C1R: variants seen among roughly 807,000 people sequenced by gnomAD.
C1R encodes complement C1r subcomponent.
C1R carries 15 observed loss-of-function variants against 27.6 expected under a neutral mutation model. The ratio of observed to expected loss-of-function variants is 0.54; its 90% CI spans 0.36 to 0.84. The LOEUF is 0.84. C1R is among the 40% of genes least tolerant of loss of function. The pLI, the probability that C1R is intolerant of heterozygous loss-of-function variation, is 0.01. For synonymous variants in C1R, 253 were observed against 228.8 expected, an observed-to-expected ratio of 1.11 and a Z score of -0.95; for missense variants, 544 against 577.9, an observed-to-expected ratio of 0.94 and a Z score of 0.60.
chr12:7,092,037 A>G, intron 1 of C1R: 1 of 562,346 alleles, frequency 1.8e-6, no homozygotes, highest in East Asian at 3.1e-5. Flanking sequence ...TGGGTCTCTG[A>G]AAGGGCTCCC....
rs1057282628 is a variant in C1R, at chr12:7,080,666, C to T, written c.1984G>A (p.Asp662Asn). 2 of 1,613,894 alleles carry T rather than the reference C, an allele frequency of 1.2e-6. No individual in the cohort carries two copies. The highest frequency in any genetic ancestry group is 1.3e-5 in the African/African-American group (1 of 75,002). ...GCCACCCAGCGATCAGTGTTCGGGT[C>T]CCTTACTGCAAAAACGCCCCCACTA... ...GDSGGVFAVR[D>N]PNTDRWVATG... The change falls in exon 11 of 11, where the codon GAC (aspartate) becomes AAC (asparagine). Residue 662 changes from aspartate to asparagine, a missense_variant. Asp to Asn is a conservative substitution (Grantham distance 23). Coordinates refer to ENST00000647956, the MANE Select transcript of C1R (RefSeq NM_001733.7). This position sits in a 1 kb window ranked among gnomAD's most constrained non-coding sequence, Gnocchi z 4.9.
In C1R at chr12:7,082,951, A is replaced by C. The variant is rs955583860; in HGVS notation, c.1274-845T>G. Among the ~76,000 whole-genome samples the C allele has an allele frequency of 3.9e-5, 6 of 152,336 alleles. No individual in the cohort carries two copies. In the East Asian group the frequency reaches 1.2e-3, roughly 29 times the overall value. On this transcript the variant is annotated intron_variant, in intron 9 of 10. Transcript: ENST00000647956. ...CTAAGTGCCAGAACCAAGGTGCAAG[A>C]GGTTTTCTGACTCCAAAGCCCAGCT...
At chr12:7,089,234 A>C in intron 5 of C1R, 59 bp downstream of exon 5, 1 of 747,330 alleles carries the variant, frequency 1.3e-6, no homozygotes, top group Non-Finnish European at 2.5e-6. Flanking sequence ...TTGGGACAAG[A>C]GGAGCCAAGT....
chr12:7,088,707 G>A lies in C1R; in HGVS notation c.941C>T (p.Thr314Ile). 3 of 776,940 alleles carry A rather than the reference G, an allele frequency of 3.9e-6. No individual in the cohort carries two copies. Among genetic ancestry groups the A allele is most frequent in the Non-Finnish European group, 4.8e-6 (2 of 416,326 alleles). The allele number at this position is 776,940 out of a possible 1,614,324, so 48.1% of individuals were successfully genotyped here. Residue 314 changes from threonine to isoleucine, a missense_variant, in exon 7 of 11, where the codon ACC becomes ATC. Around this residue, in one of 2 missense-constraint regions of C1R, gnomAD observed 291 missense variants for 209.0 expected, o/e 1.39. Transcript: ENST00000647956. ...CTGGATGATGGTGAACTCGTCTAGG[G>A]TCTTGGGCTGGGGGCACTTGATGAC... ...TEIIKCPQPKTLDEFTIIQNL... is the reference protein window; with the variant it reads ...TEIIKCPQPKILDEFTIIQNL...
At position 7,091,953 on chromosome 12, in the gene C1R, C is replaced by T. The variant is rs774460987; in HGVS notation, c.3-273G>A. The T allele has an allele frequency of 5.8e-4, 362 of 624,048 alleles. No individual in the cohort carries two copies. Among genetic ancestry groups the T allele is most frequent in the East Asian group, 5.8e-3 (194 of 33,632 alleles). The allele number at this position is 624,048 out of a possible 1,614,324, so 38.7% of individuals were successfully genotyped here. A position where few individuals can be genotyped will look rare whatever the true frequency, so the allele number is the denominator to read the frequency against. ...TTTCCAGCCTCCTCCCCTGCCCGGA[C>T]GCGTCCCTCCCCTCCCCTTCCAGGA... On this transcript the variant is annotated intron_variant, in intron 1 of 10. Transcript: ENST00000647956. This position sits in a 1 kb window ranked among gnomAD's most constrained non-coding sequence, Gnocchi z 5.1.
chr12:7,081,430 C>T (rs1938061191), intron 10 of C1R, 129 bp from the exon 11 acceptor site: 3 of 758,834 alleles, frequency 4.0e-6, no homozygotes, highest in Non-Finnish European at 6.9e-6. Context: ...CTCCTCCCAT[C>T]CCCACACCTC....
chr12:7,082,229 G>A, intron 9 of C1R, 123 bp from the exon 10 acceptor site: 1 of 684,508 alleles, frequency 1.5e-6, no homozygotes, highest in Non-Finnish European at 2.7e-6. Flanking sequence ...AACATGGCAA[G>A]GGCCAAAGGT....
chr12:7,083,318 ATGGTGGTAATGGTGT>A (rs1481841697), intron 9 of C1R, among the ~76,000 whole-genome samples: 18 of 12,700 alleles, frequency 1.4e-3, no homozygotes, highest in East Asian at 3.8e-3. Flanking sequence ...GGTAATGGTG[ATGGTGGTAATGGTGT>A]TGGTGGTGAT....
At chr12:7,086,073 T>C in intron 8 of C1R, 57 bp from the exon 9 acceptor site, 1 of 398,538 alleles carries the variant, frequency 2.5e-6, no homozygotes, top group Non-Finnish European at 4.4e-6. Context: ...GGAACTTCAG[T>C]GAGGGGAGTG....
intron 10 of C1R, 100 bp from the exon 11 acceptor site, chr12:7,081,401 TTCTG>T: frequency 9.4e-7 from 1 of 1,067,774 alleles, no homozygotes; most frequent in Non-Finnish European, 1.4e-6. Context: ...TCTTTTTGGC[TTCTG>T]TCTCTTTTCT....
chr12:7,081,371 C>T, intron 10 of C1R, 70 bp from the exon 11 acceptor site: 1 of 1,414,128 alleles, frequency 7.1e-7, no homozygotes, highest in Non-Finnish European at 9.8e-7. Context: ...CTGCAGCCAG[C>T]CAGCTCCCTG....
At position 7,086,317 on chromosome 12, in the gene C1R, C is replaced by A. The variant is rs1938155209; in HGVS notation, c.1117+62G>T. On this transcript the variant is annotated intron_variant, in intron 8 of 10. Coordinates refer to ENST00000647956, the MANE Select transcript of C1R (RefSeq NM_001733.7). The stretch of plus-strand genomic sequence containing the variant: ...GTCTGGACCCCTCTTTCTTTCTTGG[C>A]CCAGGTCCTCAAGGCAGGAGGTGGG... 3 of 398,344 alleles carry A rather than the reference C, an allele frequency of 7.5e-6. No individual in the cohort carries two copies. In the East Asian group the frequency reaches 1.1e-4, roughly 14 times the overall value. The allele number at this position is 398,344 out of a possible 1,614,324, so 24.7% of individuals were successfully genotyped here.
chr12:7,082,217 C>T, intron 9 of C1R, 111 bp from the exon 10 acceptor site: 1 of 702,324 alleles, frequency 1.4e-6, no homozygotes, highest in South Asian at 1.5e-5. Context: ...CAGGGAGGAG[C>T]CAACATGGCA....
chr12:7,089,617 C>G lies in C1R; in HGVS notation c.541G>C (p.Glu181Gln). The G allele has an allele frequency of 1.3e-6, 1 of 780,946 alleles. No homozygotes were observed. The highest frequency in any genetic ancestry group is 1.3e-5 in the South Asian group (1 of 74,632). 48.4% of individuals were successfully genotyped at this position (780,946 alleles called of 1,614,324 possible). The change falls in exon 4 of 11, where the codon GAG (glutamate) becomes CAG (glutamine). Residue 181 changes from glutamate to glutamine, a missense_variant. This residue lies in a region of C1R where 291 missense variants were observed against 209.0 expected (regional missense o/e 1.39). Transcript: ENST00000647956. ...CAGGAATGCCTGTCTTCCTGAAGCT[C>G]ATAGCCTGGACGGCAGGAACAGAAG... ...GYFCSCRPGY[E>Q]LQEDRHSCQA...
At chr12:7,090,835 CA>C (rs1938259671) in intron 2 of C1R, among the ~76,000 whole-genome samples, 1 of 152,174 alleles carries the variant, frequency 6.6e-6, no homozygotes, top group African/African-American at 2.4e-5. Flanking sequence ...GCACACTCGC[CA>C]AGTCTTCTGA....
At position 7,089,466 on chromosome 12, in the gene C1R, T is replaced by A. The variant is rs2135743600; in HGVS notation, c.595A>T (p.Thr199Ser). ...CQAECSSELYTEASGYISSLE... is the reference protein window; with the variant it reads ...CQAECSSELYSEASGYISSLE... ...CTGGAGATGTAGCCTGATGCCTCCG[T>A]GTACAGCTCGCTGCTGCACTCAGCT... The change falls in exon 5 of 11, where the codon ACG (threonine) becomes TCG (serine). Residue 199 changes from threonine to serine, a missense_variant. Coordinates refer to ENST00000647956, the MANE Select transcript of C1R (RefSeq NM_001733.7). 1 of 777,014 alleles carries A rather than the reference T, an allele frequency of 1.3e-6. No homozygotes were observed. The highest frequency in any genetic ancestry group is 2.3e-4 in the Middle Eastern group (1 of 4,426). 48.1% of individuals were successfully genotyped at this position (777,014 alleles called of 1,614,324 possible).
In C1R at chr12:7,090,258, G is replaced by A; in HGVS notation, c.232-10C>T. Reference sequence around the variant, plus strand: ...TCTTATCAGCAGAGATCTGGTGGAAGAAGGACAGGGGGTAGGAAGAAGATC... The same window carrying A: ...TCTTATCAGCAGAGATCTGGTGGAAAAAGGACAGGGGGTAGGAAGAAGATC... On this transcript the variant is annotated splice_polypyrimidine_tract_variant and intron_variant, in intron 2 of 10. Transcript: ENST00000647956. 1 of 723,184 alleles carries A rather than the reference G, an allele frequency of 1.4e-6. No homozygotes were observed. Among genetic ancestry groups the A allele is most frequent in the Non-Finnish European group, 2.6e-6 (1 of 387,028 alleles). The allele number at this position is 723,184 out of a possible 1,614,324, so 44.8% of individuals were successfully genotyped here.
chr12:7,091,357 G>A lies in C1R; in HGVS notation c.231+95C>T. Reference sequence around the variant, plus strand: ...GGCCGTTGGCCATCAGCTCTTGTGGGGCTGGGCTGTGTCTGGGGGTGTGCA... The same window carrying A: ...GGCCGTTGGCCATCAGCTCTTGTGGAGCTGGGCTGTGTCTGGGGGTGTGCA... On this transcript the variant is annotated intron_variant, in intron 2 of 10. Transcript: ENST00000647956. This position sits in a 1 kb window ranked among gnomAD's most constrained non-coding sequence, Gnocchi z 5.1. 1 of 681,480 alleles carries A rather than the reference G, an allele frequency of 1.5e-6. No homozygotes were observed. Among genetic ancestry groups the A allele is most frequent in the Non-Finnish European group, 2.7e-6 (1 of 376,178 alleles). 42.2% of individuals were successfully genotyped at this position (681,480 alleles called of 1,614,324 possible). A position where few individuals can be genotyped will look rare whatever the true frequency, so the allele number is the denominator to read the frequency against.
chr12:7,088,657 G>T lies in C1R; in HGVS notation c.991C>A (p.Arg331Ser). Reference sequence around the variant, plus strand: ...TTGCAGGTAGCAATGAAGTAGTCACGGAACTGGTACTGAGGCTGCAGGTTC... The same window carrying T: ...TTGCAGGTAGCAATGAAGTAGTCACTGAACTGGTACTGAGGCTGCAGGTTC... ...IQNLQPQYQF[R>S]DYFIATCKQG... Residue 331 changes from arginine to serine, a missense_variant, in exon 7 of 11, where the codon CGT becomes AGT. Arg to Ser is a moderately radical substitution (Grantham distance 110). This residue lies in a region of C1R where 291 missense variants were observed against 209.0 expected (regional missense o/e 1.39). Transcript: ENST00000647956. The T allele has an allele frequency of 1.3e-6, 1 of 752,574 alleles. No individual in the cohort carries two copies. 46.6% of individuals were successfully genotyped at this position (752,574 alleles called of 1,614,324 possible). A position where few individuals can be genotyped will look rare whatever the true frequency, so the allele number is the denominator to read the frequency against.
Sources: gnomAD v4.1 joint callset for allele counts (sites outside exome capture counted in the v4.1 genomes callset) on GRCh38, gnomAD v4.1.1 for gene constraint, gnomAD v4.1.1 regional missense constraint, Gnocchi (gnomAD v3.1) non-coding constraint, MANE v1.5 for transcripts, NCBI Gene and HGNC (gene_info 2026-07-23, HGNC 2026-07-21) for gene names.